DTNA: variants seen among roughly 807,000 people sequenced by gnomAD.
DTNA encodes dystrobrevin alpha.
In DTNA, 43 loss-of-function variants were observed where a neutral mutation model predicts 100.7. The observed-to-expected ratio is 0.43, with a 90% CI of 0.33 to 0.55. The LOEUF (loss-of-function observed/expected upper bound fraction) is 0.55. Among genes scored for constraint, DTNA ranks in the 20% least tolerant of loss-of-function variants. DTNA has a pLI of 0.04. For synonymous variants in DTNA, 349 were observed against 347.9 expected (o/e 1.00, Z -0.04); for missense variants, 798 against 953.9 (o/e 0.84, Z 2.15).
intron 1 of DTNA, among the ~76,000 whole-genome samples, chr18:34,631,465 A>G (rs2058071467): frequency 6.6e-6 from 1 of 152,244 alleles, no homozygotes; most frequent in African/African-American, 2.4e-5. Context: ...AAGGTTACTT[A>G]TAGCAAGTGT....
chr18:34,720,903 G>C (rs1478470269), intron 1 of DTNA, among the ~76,000 whole-genome samples: 1 of 152,204 alleles, frequency 6.6e-6, no homozygotes, highest in Admixed American at 6.5e-5. Context: ...GATAATGTTA[G>C]TGATTCATAG....
chr18:34,508,181 A>G (rs1240623747), intron 1 of DTNA, among the ~76,000 whole-genome samples: 4 of 152,074 alleles, frequency 2.6e-5, no homozygotes, highest in African/African-American at 9.7e-5. Context: ...ACATTAATGG[A>G]TTTTGTAGCT....
chr18:34,856,448 C>T (rs1016140309), intron 15 of DTNA, among the ~76,000 whole-genome samples: 2 of 152,200 alleles, frequency 1.3e-5, no homozygotes, highest in Admixed American at 6.5e-5. Flanking sequence ...GGTAATGGTT[C>T]CTTATAGCAC....
At chr18:34,549,002 T>C (rs2045104232) in intron 1 of DTNA, among the ~76,000 whole-genome samples, 2 of 152,088 alleles carry the variant, frequency 1.3e-5, no homozygotes, top group African/African-American at 4.8e-5. Flanking sequence ...ATGGAATTTC[T>C]TTCCCTTATT....
Position 34,863,971 on chromosome 18 carries a change from G to A in DTNA, c.1652G>A (p.Arg551His), listed in dbSNP as rs142108185. Residue 551 changes from arginine (R) to histidine (H), a missense_variant, in exon 17 of 23, where the codon CGC becomes CAC. Arg to His is a conservative substitution (Grantham distance 29). Around this residue, in one of 6 missense-constraint regions of DTNA, gnomAD observed 26 missense variants for 55.0 expected, o/e 0.47. Transcript: ENST00000444659. Reference sequence around the variant, plus strand: ...GTCAGCTGCTTCTTTCTTAGACAGCGCAAAGATGAGCTGGAACAGAGAATG... The same window carrying A: ...GTCAGCTGCTTCTTTCTTAGACAGCACAAAGATGAGCTGGAACAGAGAATG... ...LLAELRLLRQ[R>H]KDELEQRMSA... The A allele has an allele frequency of 1.3e-4, 217 of 1,609,052 alleles. No individual in the cohort carries two copies. Among genetic ancestry groups the A allele is most frequent in the Non-Finnish European group, 1.7e-4 (201 of 1,177,592 alleles).
intron 17 of DTNA, among the ~76,000 whole-genome samples, chr18:34,874,962 C>A (rs992996185): frequency 1.3e-5 from 2 of 152,182 alleles, no homozygotes; most frequent in African/African-American, 4.8e-5. Flanking sequence ...TTTAACAGTA[C>A]CTTCATTTTA....
chr18:34,599,672 C>T (rs78294033), intron 1 of DTNA, among the ~76,000 whole-genome samples: 5 of 151,952 alleles, frequency 3.3e-5, no homozygotes, highest in East Asian at 1.9e-4. Flanking sequence ...TTTTGGTTGT[C>T]GTTGTTTTGT....
intron 1 of DTNA, among the ~76,000 whole-genome samples, chr18:34,626,073 A>G (rs1413730505): frequency 2.0e-5 from 3 of 152,220 alleles, no homozygotes; most frequent in African/African-American, 7.2e-5. Flanking sequence ...GCAACTAGAA[A>G]GATTAGGCTT....
chr18:34,651,067 T>C (rs1263352648), intron 1 of DTNA, among the ~76,000 whole-genome samples: 1 of 152,180 alleles, frequency 6.6e-6, no homozygotes, highest in Non-Finnish European at 1.5e-5. Flanking sequence ...AGACTTTACG[T>C]CTTCTTTTCG....
In DTNA at chr18:34,750,361, A is replaced by C. The variant is rs79232957; in HGVS notation, c.-1-5615A>C. Among the ~76,000 whole-genome samples the C allele has an allele frequency of 5.0e-4, 76 of 152,328 alleles. 1 individual carries two copies. The East Asian group carries it at 0.011, about 22-fold the overall frequency. On this transcript the variant is annotated intron_variant, in intron 1 of 22. Transcript: ENST00000444659. ...TGTCCTAAAATAGGAGGATTCCTTT[A>C]AGAAATAATACATAAAGGAACTTCC...
intron 11 of DTNA, among the ~76,000 whole-genome samples, chr18:34,833,603 A>G (rs1453337211): frequency 6.6e-6 from 1 of 152,172 alleles, no homozygotes; most frequent in East Asian, 1.9e-4. Flanking sequence ...TTACCATGCC[A>G]TGCCCTCAAA....
intron 3 of DTNA, among the ~76,000 whole-genome samples, chr18:34,773,043 G>A (rs940727992): frequency 1.1e-4 from 16 of 152,210 alleles, no homozygotes; most frequent in African/African-American, 3.9e-4. Flanking sequence ...GGGCATGGGT[G>A]TTTGTGGCTT....
At chr18:34,751,626 A>G (rs530567678) in intron 1 of DTNA, among the ~76,000 whole-genome samples, 16 of 152,144 alleles carry the variant, frequency 1.1e-4, no homozygotes, top group African/African-American at 2.9e-4. Context: ...TCACGATTCT[A>G]TTTGCCCTTC....
chr18:34,553,463 G>T (rs2045677951), intron 1 of DTNA, among the ~76,000 whole-genome samples: 2 of 151,422 alleles, frequency 1.3e-5, no homozygotes, highest in African/African-American at 4.9e-5. Flanking sequence ...CCATGCCTAT[G>T]TCCTGAATGG....
At chr18:34,767,303 C>T (rs1242087479) in intron 3 of DTNA, among the ~76,000 whole-genome samples, 1 of 152,050 alleles carries the variant, frequency 6.6e-6, no homozygotes, top group Non-Finnish European at 1.5e-5. Flanking sequence ...GTCACCTTAG[C>T]CCCAGGCTTC....
At chr18:34,867,131 C>A in intron 17 of DTNA, 2 of 1,231,266 alleles carry the variant, frequency 1.6e-6, no homozygotes, top group South Asian at 8.2e-5. Flanking sequence ...TTCCATGGAT[C>A]AATTAGAACC....
At chr18:34,788,125 G>A (rs146070675) in intron 3 of DTNA, among the ~76,000 whole-genome samples, 1 of 152,220 alleles carries the variant, frequency 6.6e-6, no homozygotes, top group Non-Finnish European at 1.5e-5. Flanking sequence ...AGTAAAATGC[G>A]CGCAGTGCCA....
intron 1 of DTNA, among the ~76,000 whole-genome samples, chr18:34,554,260 TAAG>T (rs1177169592): frequency 1.4e-5 from 2 of 139,350 alleles, no homozygotes; most frequent in African/African-American, 5.7e-5. Flanking sequence ...CTTATCAGCT[TAAG>T]GAGATTTTGG....
chr18:34,573,072 T>C (rs2047747327), intron 1 of DTNA, among the ~76,000 whole-genome samples: 1 of 152,186 alleles, frequency 6.6e-6, no homozygotes, highest in South Asian at 2.1e-4. Flanking sequence ...ACACAGTAGG[T>C]GCTCAGTAAA....
Sources: allele counts gnomAD v4.1 joint callset (sites outside exome capture counted in the v4.1 genomes callset), GRCh38; gene constraint gnomAD v4.1.1; regional missense constraint gnomAD v4.1.1; transcripts MANE v1.5; gene names NCBI Gene and HGNC (gene_info 2026-07-23, HGNC 2026-07-21).